The following PLEKHM2 variants were observed in gnomAD, a reference collection of about 807,000 sequenced individuals.
The protein encoded by PLEKHM2 is pleckstrin homology domain-containing family M member 2.
A neutral mutation model predicts 116.3 loss-of-function variants in PLEKHM2; 77 were observed. The ratio of observed to expected loss-of-function variants is 0.66; its 90% CI spans 0.55 to 0.80. PLEKHM2 has a LOEUF of 0.80. Among genes scored for constraint, PLEKHM2 ranks in the 30% least tolerant of loss-of-function variants. The pLI is 0.00. For synonymous variants in PLEKHM2, 562 were observed against 571.0 expected, an observed-to-expected ratio of 0.98 and a Z score of 0.22; for missense variants, 1,183 against 1,354.9, an observed-to-expected ratio of 0.87 and a Z score of 1.99.
In PLEKHM2 at chr1:15,731,907, C is replaced by T. The variant is rs1468179349; in HGVS notation, c.2484C>T (p.Gly828=). Residue 828 remains glycine, a synonymous_variant, in exon 17 of 20, where the codon GGC becomes GGT. Transcript: ENST00000375799. Reference sequence around the variant, plus strand: ...GGCCCAGGGGGGAGCAGTGCGGTGGCTGCCGGAGAGCCAACACCACGGATC... The same window carrying T: ...GGCCCAGGGGGGAGCAGTGCGGTGGTTGCCGGAGAGCCAACACCACGGATC... ...SVNMGGEQCG[G]CRRANTTDRP... The T allele has an allele frequency of 6.2e-7, 1 of 1,611,172 alleles. No homozygotes were observed. Among genetic ancestry groups the T allele is most frequent in the South Asian group, 1.1e-5 (1 of 90,810 alleles).
intron 19 of PLEKHM2, among the ~76,000 whole-genome samples, chr1:15,733,398 G>A (rs959786609): frequency 2.0e-5 from 3 of 152,278 alleles, no homozygotes; most frequent in Admixed American, 6.5e-5. Context: ...CTGAGTGCCA[G>A]TGTGGGAGCG....
chr1:15,717,549 G>A (rs1230955273), intron 3 of PLEKHM2, among the ~76,000 whole-genome samples: 1 of 152,224 alleles, frequency 6.6e-6, no homozygotes, highest in Non-Finnish European at 1.5e-5. Flanking sequence ...GCGAGAGCTG[G>A]ACTCTTATGG....
chr1:15,689,019 C>T (rs370098303), intron 1 of PLEKHM2, among the ~76,000 whole-genome samples: 4 of 152,024 alleles, frequency 2.6e-5, no homozygotes, highest in Non-Finnish European at 4.4e-5. Context: ...GAGGCCGAGG[C>T]GGGCGGATCA....
At position 15,720,456 on chromosome 1, in the gene PLEKHM2, C is replaced by T. The variant is rs1370911339; in HGVS notation, c.652+536C>T. On this transcript the variant is annotated intron_variant, in intron 6 of 19. Transcript: ENST00000375799. ...CTGATGTGTTTGGGATGGTCGCACC[C>T]TTTGCATCAGGGACCGAGGAAGAAG... 1.4e-5 allele frequency: 14 copies of T among 985,202 alleles called. No homozygotes were observed. The African/African-American group carries it at 1.6e-4, about 11-fold the overall frequency. 61.0% of individuals were successfully genotyped at this position (985,202 alleles called of 1,614,324 possible).
chr1:15,701,294 A>G (rs968836075), intron 1 of PLEKHM2, among the ~76,000 whole-genome samples: 3 of 142,124 alleles, frequency 2.1e-5, no homozygotes, highest in Non-Finnish European at 3.1e-5. Flanking sequence ...TTAGCTGGGC[A>G]TGGTGGCAGG....
intron 1 of PLEKHM2, among the ~76,000 whole-genome samples, chr1:15,705,462 G>C (rs1244706298): frequency 6.6e-6 from 1 of 152,002 alleles, no homozygotes; most frequent in East Asian, 1.9e-4. Flanking sequence ...GATTATAGGC[G>C]TGAGCCACTG....
At position 15,714,348 on chromosome 1, in the gene PLEKHM2, T is replaced by TAA. The variant is rs764341573; in HGVS notation, c.61-1869_61-1868dup. Among the ~76,000 whole-genome samples the TAA allele has an allele frequency of 3.3e-3, 360 of 110,192 alleles. 4 individuals carry two copies. The highest frequency in any genetic ancestry group is 8.9e-3 in the African/African-American group (274 of 30,744). 72.3% of individuals were successfully genotyped at this position (110,192 alleles called of 152,430 possible). A position where few individuals can be genotyped will look rare whatever the true frequency, so the allele number is the denominator to read the frequency against. ...CTCAGATTTACTCAGATTTTGAAAT[T>TAA]AAAAAAAAAAAAAAAAAAAAAGCTC... On this transcript the variant is annotated intron_variant, in intron 1 of 19. Coordinates refer to ENST00000375799, the MANE Select transcript of PLEKHM2 (RefSeq NM_015164.4).
upstream of PLEKHM2, among the ~76,000 whole-genome samples, chr1:15,684,110 G>T (rs1456759438): frequency 6.6e-6 from 1 of 150,762 alleles, no homozygotes; most frequent in East Asian, 2.0e-4. Context: ...CGGGGTCGAG[G>T]TCTCTGGCGT....
intron 1 of PLEKHM2, among the ~76,000 whole-genome samples, chr1:15,707,099 C>T (rs560151897): frequency 4.8e-5 from 6 of 126,224 alleles, no homozygotes; most frequent in East Asian, 1.9e-4. Flanking sequence ...AGACAAACTC[C>T]GTCTCAAAAA....
chr1:15,713,670 C>G (rs553587753), intron 1 of PLEKHM2, among the ~76,000 whole-genome samples: 1 of 151,602 alleles, frequency 6.6e-6, no homozygotes, highest in South Asian at 2.1e-4. Flanking sequence ...GAGTCTTGCT[C>G]TGTTGCCCAG....
intron 1 of PLEKHM2, among the ~76,000 whole-genome samples, chr1:15,690,922 G>A (rs1019616035): frequency 2.0e-5 from 3 of 152,364 alleles, no homozygotes; most frequent in East Asian, 1.9e-4. Context: ...TCAGATCATG[G>A]TAAGCATTAT....
chr1:15,720,128 T>TTATATATA lies in PLEKHM2; in HGVS notation c.652+223_652+230dup, dbSNP rs144815982. 4.6e-3 allele frequency among the ~76,000 whole-genome samples: 538 copies of TTATATATA among 115,882 alleles called. 4 individuals are homozygous for TTATATATA. Among genetic ancestry groups the TTATATATA allele is most frequent in the Non-Finnish European group, 5.6e-3 (328 of 58,724 alleles). The allele number at this position is 115,882 out of a possible 152,430, so 76.0% of individuals were successfully genotyped here. A position where few individuals can be genotyped will look rare whatever the true frequency, so the allele number is the denominator to read the frequency against. ...GGATTCTGGGCACAAAAAGCTGAAA[T>TTATATATA]TATATATATATATATATATATAAAA... On this transcript the variant is annotated intron_variant, in intron 6 of 19. Transcript: ENST00000375799.
chr1:15,690,932 T>C (rs1316539241), intron 1 of PLEKHM2, among the ~76,000 whole-genome samples: 2 of 152,234 alleles, frequency 1.3e-5, no homozygotes, highest in East Asian at 3.8e-4. Flanking sequence ...GTAAGCATTA[T>C]GAAGGCATTA....
At position 15,731,964 on chromosome 1, in the gene PLEKHM2, C is replaced by G. The variant is rs1208216470; in HGVS notation, c.2541C>G (p.Asp847Glu). The G allele has an allele frequency of 3.1e-6, 5 of 1,612,194 alleles. No individual in the cohort carries two copies. Among genetic ancestry groups the G allele is most frequent in the Non-Finnish European group, 4.2e-6 (5 of 1,179,540 alleles). Residue 847 changes from aspartate to glutamate, a missense_variant, in exon 17 of 20, where the codon GAC becomes GAG. By Grantham distance (45) the Asp-to-Glu change is conservative. Coordinates refer to ENST00000375799, the MANE Select transcript of PLEKHM2 (RefSeq NM_015164.4). The stretch of plus-strand genomic sequence containing the variant: ...ACGCCTTCCAGGTCATTCTCTCCGA[C>G]CGGCCCTGCCTGGAGCTAAGTGCCG... ...RPHAFQVILS[D>E]RPCLELSAES...
intron 1 of PLEKHM2, among the ~76,000 whole-genome samples, chr1:15,699,238 G>GGT (rs1488882730): frequency 6.6e-6 from 1 of 151,860 alleles, no homozygotes; most frequent in African/African-American, 2.4e-5. Flanking sequence ...TTGTTACATA[G>GGT]GTGTGCAGGT....
intron 1 of PLEKHM2, among the ~76,000 whole-genome samples, chr1:15,715,204 C>T (rs569001236): frequency 3.3e-5 from 5 of 152,314 alleles, no homozygotes; most frequent in African/African-American, 9.6e-5. Flanking sequence ...CCCAGTCCAT[C>T]GGCCCTTAGT....
At position 15,728,203 on chromosome 1, in the gene PLEKHM2, G is replaced by T. The variant is rs567414668; in HGVS notation, c.1830+55G>T. On this transcript the variant is annotated intron_variant, in intron 10 of 19. Coordinates refer to ENST00000375799, the MANE Select transcript of PLEKHM2 (RefSeq NM_015164.4). This position sits in a 1 kb window ranked among gnomAD's most constrained non-coding sequence, Gnocchi z 5.9. Reference sequence around the variant, plus strand: ...GAGACGGCAAGGGCAAGGCGGGATGGGCCACCGCCCCCGCTGGAGCGGCAG... The same window carrying T: ...GAGACGGCAAGGGCAAGGCGGGATGTGCCACCGCCCCCGCTGGAGCGGCAG... 6.2e-7 allele frequency: 1 copy of T among 1,603,418 alleles called. No individual in the cohort carries two copies. The highest frequency in any genetic ancestry group is 1.3e-5 in the African/African-American group (1 of 74,854).
intron 1 of PLEKHM2, among the ~76,000 whole-genome samples, chr1:15,689,276 C>T (rs1374462999): frequency 6.7e-6 from 1 of 148,350 alleles, no homozygotes; most frequent in Non-Finnish European, 1.5e-5. Context: ...GAAAGAAATA[C>T]TGGTAGAGTT....
In PLEKHM2 at chr1:15,684,481, C is replaced by T; in HGVS notation, c.-78C>T. ...CCGGCGGCAGCGGTTGGCGGCGGCC[C>T]CCGGCCCCCGGCGCGGGAAGCGGCG... is the stretch of plus-strand genomic sequence containing the variant. On this transcript the variant is annotated 5_prime_UTR_variant, in exon 1 of 20. Coordinates refer to ENST00000375799, the MANE Select transcript of PLEKHM2 (RefSeq NM_015164.4). 2.3e-6 allele frequency: 2 copies of T among 856,446 alleles called. No homozygotes were observed. The highest frequency in any genetic ancestry group is 2.8e-6 in the Non-Finnish European group (2 of 708,716). The allele number at this position is 856,446 out of a possible 1,614,324, so 53.1% of individuals were successfully genotyped here.
Sources: gnomAD v4.1 joint callset for allele counts (sites outside exome capture counted in the v4.1 genomes callset) on GRCh38, gnomAD v4.1.1 for gene constraint, Gnocchi (gnomAD v3.1) non-coding constraint, MANE v1.5 for transcripts, NCBI Gene and HGNC (gene_info 2026-07-23, HGNC 2026-07-21) for gene names.